The following ANAPC15 variants were observed in gnomAD, a reference collection of about 807,000 sequenced individuals.
ANAPC15 encodes the protein anaphase-promoting complex subunit 15.
Under a neutral mutation model 19.8 loss-of-function variants are expected in ANAPC15, and 13 were observed. The observed-to-expected ratio is 0.66, with a 90% confidence interval of 0.43 to 1.04. The LOEUF (loss-of-function observed/expected upper bound fraction) is 1.04. ANAPC15 is among the 50% of genes least tolerant of loss of function. The pLI is 0.00. For synonymous variants in ANAPC15, 45 were observed against 50.7 expected (o/e 0.89, Z 0.47); for missense variants, 88 against 150.3 (o/e 0.59, Z 2.17).
At position 72,110,184 on chromosome 11, in the gene ANAPC15, C is replaced by A; in HGVS notation, c.222G>T (p.Glu74Asp). The A allele has an allele frequency of 6.2e-7, 1 of 1,614,142 alleles. No homozygotes were observed. Among genetic ancestry groups the A allele is most frequent in the Non-Finnish European group, 8.5e-7 (1 of 1,180,028 alleles). Residue 74 changes from glutamate (E) to aspartate (D), a missense_variant, in exon 5 of 6, where the codon GAG becomes GAT. Glu to Asp is a conservative substitution (Grantham distance 45). Transcript: ENST00000227618. ...CATCCTCTGAGTCCTCTTCACTATC[C>A]TCATCATCTTCATCATCCTCTTCTT... The part of the protein sequence containing the change: ...DEEEEDDEDD[E>D]DSEEDSEDDE...
In ANAPC15 at chr11:72,112,663, T is replaced by C. The variant is rs189859228; in HGVS notation, c.-109A>G. ...GTCTGTACTTACCGCGCCGGGAGGC[T>C]GCTGCCGGCGGCGACCCGGAAGCGC... On this transcript the variant is annotated 5_prime_UTR_variant, in exon 1 of 6. Coordinates refer to ENST00000227618, the MANE Select transcript of ANAPC15 (RefSeq NM_014042.3). The C allele has an allele frequency of 4.8e-5, 22 of 456,572 alleles. No homozygotes were observed. The highest frequency in any genetic ancestry group is 2.5e-4 in the South Asian group (16 of 64,570). The allele number at this position is 456,572 out of a possible 1,614,324, so 28.3% of individuals were successfully genotyped here.
At chr11:72,108,100 C>A (rs1305909598), downstream of ANAPC15, 2 of 1,526,348 alleles carry the variant, frequency 1.3e-6, no homozygotes, top group Non-Finnish European at 8.8e-7. Flanking sequence ...ATCCGCCTGG[C>A]CGGCTTTGAT....
chr11:72,110,658 G>C (rs1447277669), intron 3 of ANAPC15, 55 bp from the exon 4 acceptor site: 4 of 1,605,430 alleles, frequency 2.5e-6, no homozygotes, highest in Non-Finnish European at 3.4e-6. Context: ...GCAGGTCAGG[G>C]GCATGGGACT....
chr11:72,110,414 C>G, intron 4 of ANAPC15, 130 bp downstream of exon 4: 2 of 1,514,844 alleles, frequency 1.3e-6, no homozygotes, highest in Non-Finnish European at 1.8e-6. Flanking sequence ...CCTTCTATCT[C>G]CCCTTTTAGG....
At chr11:72,112,628 G>T (rs763278225) in intron 1 of ANAPC15, 22 bp downstream of exon 1, 1 of 455,538 alleles carries the variant, frequency 2.2e-6, no homozygotes, top group South Asian at 1.6e-5. Flanking sequence ...GGAGACGGTT[G>T]CAGCCTTGCG....
chr11:72,110,842 T>G, intron 3 of ANAPC15: 1 of 583,400 alleles, frequency 1.7e-6, no homozygotes. Flanking sequence ...AGTGAGAGAC[T>G]TATCAGCCTA....
downstream of ANAPC15, chr11:72,108,781 T>A: frequency 6.4e-7 from 1 of 1,550,516 alleles, no homozygotes; most frequent in Non-Finnish European, 8.7e-7. Flanking sequence ...TGGCTGACCA[T>A]GTGCTCTTCC....
Position 72,109,745 on chromosome 11 carries a change from G to T in ANAPC15, c.*136C>A. ...GGGCCAAAGAGACCAGATCCTGGCA[G>T]CAGCTGAGGAGGTGCCCAAGGGCAC... On this transcript the variant is annotated 3_prime_UTR_variant, in exon 6 of 6. Transcript: ENST00000227618. 9.6e-7 allele frequency: 1 copy of T among 1,038,882 alleles called. No homozygotes were observed. Among genetic ancestry groups the T allele is most frequent in the Non-Finnish European group, 1.5e-6 (1 of 677,538 alleles). The allele number at this position is 1,038,882 out of a possible 1,614,324, so 64.4% of individuals were successfully genotyped here. A position where few individuals can be genotyped will look rare whatever the true frequency, so the allele number is the denominator to read the frequency against.
chr11:72,108,871 C>T, downstream of ANAPC15: 1 of 1,550,314 alleles, frequency 6.5e-7, no homozygotes, highest in Non-Finnish European at 8.7e-7. Context: ...GCCTTCCAGA[C>T]TTCCCTGCCA....
chr11:72,109,195 C>G, downstream of ANAPC15: 1 of 501,238 alleles, frequency 2.0e-6, no homozygotes, highest in South Asian at 2.0e-5. Flanking sequence ...AGCTCTGTCA[C>G]TGATTTGCTG....
At chr11:72,107,023 T>C (rs1945756652), downstream of ANAPC15, 2 of 177,048 alleles carry the variant, frequency 1.1e-5, no homozygotes, top group Non-Finnish European at 2.4e-5. Context: ...CCCAGCACTT[T>C]GGGAGGCCAA....
chr11:72,107,164 T>C, downstream of ANAPC15: 1 of 422,444 alleles, frequency 2.4e-6, no homozygotes, highest in Non-Finnish European at 4.1e-6. Flanking sequence ...CTACTGGAAA[T>C]GCTGAGGTGG....
At chr11:72,110,659 G>T (rs1015612595) in intron 3 of ANAPC15, 56 bp from the exon 4 acceptor site, 16 of 1,603,122 alleles carry the variant, frequency 1.0e-5, no homozygotes, top group Non-Finnish European at 1.4e-5. Flanking sequence ...CAGGTCAGGG[G>T]CATGGGACTG....
At chr11:72,112,484 G>A (rs965241554) in intron 1 of ANAPC15, 166 bp downstream of exon 1, 1 of 297,616 alleles carries the variant, frequency 3.4e-6, no homozygotes, top group Non-Finnish European at 6.9e-6. Context: ...TGTGTGACGG[G>A]GTGGGGCTTA....
Position 72,111,144 on chromosome 11 carries a change from G to C in ANAPC15, c.120+13C>G, listed in dbSNP as rs775875888. The C allele has an allele frequency of 3.9e-6, 6 of 1,529,548 alleles. No homozygotes were observed. The highest frequency in any genetic ancestry group is 5.4e-6 in the Non-Finnish European group (6 of 1,103,216). The allele number at this position is 1,529,548 out of a possible 1,614,324, so 94.7% of individuals were successfully genotyped here. On this transcript the variant is annotated intron_variant, in intron 3 of 5. Coordinates refer to ENST00000227618, the MANE Select transcript of ANAPC15 (RefSeq NM_014042.3). ...GTGCTGAGGTCTCTGTGCTGTGCTA[G>C]CTGCTCACTCACCCAGGCCTGATGC...
downstream of ANAPC15, chr11:72,108,988 A>C: frequency 7.3e-7 from 1 of 1,372,316 alleles, no homozygotes; most frequent in Non-Finnish European, 9.7e-7. Flanking sequence ...GGGACCTCAA[A>C]ATCCCCTCCC....
At chr11:72,110,717 C>T (rs1427917053) in intron 3 of ANAPC15, 114 bp from the exon 4 acceptor site, 2 of 1,096,654 alleles carry the variant, frequency 1.8e-6, no homozygotes, top group African/African-American at 1.6e-5. Context: ...GAGAAGCTTC[C>T]TCCCAGTTCT....
At position 72,109,842 on chromosome 11, in the gene ANAPC15, T is replaced by A; in HGVS notation, c.*39A>T. The A allele has an allele frequency of 1.2e-6, 2 of 1,611,936 alleles. No individual in the cohort carries two copies. The highest frequency in any genetic ancestry group is 1.7e-6 in the Non-Finnish European group (2 of 1,179,538). ...GGTTGGGATGCAGGGTAGTTTGGGC[T>A]GGCCTGGAATCTCCCTGAGGCCACC... On this transcript the variant is annotated 3_prime_UTR_variant, in exon 6 of 6. Coordinates refer to ENST00000227618, the MANE Select transcript of ANAPC15 (RefSeq NM_014042.3).
chr11:72,110,679 G>T, intron 3 of ANAPC15, 76 bp from the exon 4 acceptor site: 2 of 1,541,018 alleles, frequency 1.3e-6, no homozygotes, highest in Admixed American at 1.8e-5. Flanking sequence ...GGCCCATTCT[G>T]CCCAGAAGAC....
Sources: gnomAD v4.1 joint callset for allele counts on GRCh38, gnomAD v4.1.1 for gene constraint, MANE v1.5 for transcripts, NCBI Gene and HGNC (gene_info 2026-07-23, HGNC 2026-07-21) for gene names.